Variants in PTGIS observed in about 807,000 individuals in gnomAD.
PTGIS encodes prostacyclin synthase.
Under a neutral mutation model 50.3 loss-of-function variants are expected in PTGIS, and 45 were observed. The ratio of observed to expected loss-of-function variants is 0.90; its 90% confidence interval spans 0.70 to 1.15. PTGIS has a LOEUF of 1.15. Ranked by LOEUF, PTGIS falls within the 50% of genes most tolerant of loss-of-function variation. PTGIS has a pLI of 0.00. For synonymous variants in PTGIS, 260 were observed against 267.7 expected, an observed-to-expected ratio of 0.97 and a Z score of 0.28; for missense variants, 668 against 661.3, an observed-to-expected ratio of 1.01 and a Z score of -0.11.
At chr20:49,509,688 A>G (rs554104486) in intron 9 of PTGIS, among the ~76,000 whole-genome samples, 26 of 152,210 alleles carry the variant, frequency 1.7e-4, no homozygotes, top group Non-Finnish European at 1.8e-4. Context: ...CTAAGCATCG[A>G]TCTACAGCCA....
In PTGIS at chr20:49,550,091, T is replaced by C. The variant is rs1311251721; in HGVS notation, c.173A>G (p.Lys58Arg). 1.5e-5 allele frequency: 24 copies of C among 1,614,042 alleles called. No homozygotes were observed. The Admixed American group carries it at 4.0e-4, about 27-fold the overall frequency. ...AGTAAAGATGTCACCGTGCTTCTCC[T>C]TCATCCTCGTGAGGAAGCTGGCAGC... ...KDAASFLTRM[K>R]EKHGDIFTIL... The change falls in exon 2 of 10, where the codon AAG (lysine) becomes AGG (arginine). Residue 58 changes from lysine (K) to arginine (R), a missense_variant. Physicochemically the swap from Lys to Arg is conservative, Grantham distance 26 (BLOSUM62 2). Transcript: ENST00000244043.
At chr20:49,525,836 G>A (rs1300556103) in intron 5 of PTGIS, among the ~76,000 whole-genome samples, 2 of 151,902 alleles carry the variant, frequency 1.3e-5, no homozygotes, top group African/African-American at 2.4e-5. Flanking sequence ...AGGAAGACTC[G>A]CCCCACCAGC....
At chr20:49,531,084 T>A (rs1981923090) in intron 5 of PTGIS, among the ~76,000 whole-genome samples, 2 of 152,140 alleles carry the variant, frequency 1.3e-5, no homozygotes, top group African/African-American at 2.4e-5. Flanking sequence ...TGGTATTGAG[T>A]TGTATGAGTT....
intron 1 of PTGIS, among the ~76,000 whole-genome samples, chr20:49,557,604 A>C (rs1268540681): frequency 2.6e-5 from 4 of 152,032 alleles, no homozygotes; most frequent in Admixed American, 2.6e-4. Context: ...CAGGGAGAAA[A>C]GAAAACCGGG....
intron 9 of PTGIS, among the ~76,000 whole-genome samples, chr20:49,508,947 C>A (rs1981235894): frequency 6.6e-6 from 1 of 152,210 alleles, no homozygotes; most frequent in Non-Finnish European, 1.5e-5. Context: ...TCTTTTCCCA[C>A]CACTATTCCC....
chr20:49,550,247 G>A, intron 1 of PTGIS, 58 bp from the exon 2 acceptor site: 2 of 1,595,904 alleles, frequency 1.3e-6, no homozygotes, highest in East Asian at 2.2e-5. Flanking sequence ...CATAAAGAGT[G>A]TAGGTTGCAG....
chr20:49,538,125 T>C (rs1194284189), intron 5 of PTGIS, among the ~76,000 whole-genome samples: 1 of 151,156 alleles, frequency 6.6e-6, no homozygotes, highest in Admixed American at 6.6e-5. Context: ...CCTAGTGGCA[T>C]ATGCCTGTAG....
At chr20:49,510,181 AG>A (rs1981276733) in intron 9 of PTGIS, among the ~76,000 whole-genome samples, 1 of 151,930 alleles carries the variant, frequency 6.6e-6, no homozygotes, top group Non-Finnish European at 1.5e-5. Context: ...GAATCCCTGC[AG>A]TTTTTGTTGC....
At position 49,562,228 on chromosome 20, in the gene PTGIS, G is replaced by A. The variant is rs1277272762; in HGVS notation, c.74+5815C>T. Among the ~76,000 whole-genome samples, 8 of 152,306 alleles carry A rather than the reference G, an allele frequency of 5.3e-5. No individual in the cohort carries two copies. The East Asian group carries it at 1.5e-3, about 29-fold the overall frequency. On this transcript the variant is annotated intron_variant, in intron 1 of 9. Coordinates refer to ENST00000244043, the MANE Select transcript of PTGIS (RefSeq NM_000961.4). ...CTCCATTTTGCAGAGATATTCCAGA[G>A]ACCTACTCAAATGCAGGCCCTGAAA...
At chr20:49,541,672 A>G (rs1235626723) in intron 4 of PTGIS, among the ~76,000 whole-genome samples, 1 of 152,208 alleles carries the variant, frequency 6.6e-6, no homozygotes, top group Non-Finnish European at 1.5e-5. Flanking sequence ...CGGAGGTTGC[A>G]GCGAGCAGAG....
intron 1 of PTGIS, among the ~76,000 whole-genome samples, chr20:49,559,679 A>T (rs1347478338): frequency 6.6e-6 from 1 of 152,222 alleles, no homozygotes; most frequent in South Asian, 2.1e-4. Context: ...CATTAAGCCC[A>T]GTGAAAGAAG....
intron 1 of PTGIS, among the ~76,000 whole-genome samples, chr20:49,551,350 C>A (rs1325946407): frequency 6.6e-6 from 1 of 152,214 alleles, no homozygotes; most frequent in African/African-American, 2.4e-5. Context: ...TCTATTCGCT[C>A]TGAAGCCTGC....
intron 5 of PTGIS, among the ~76,000 whole-genome samples, chr20:49,528,903 G>A (rs1206677224): frequency 1.3e-5 from 2 of 152,192 alleles, no homozygotes; most frequent in African/African-American, 4.8e-5. Flanking sequence ...AATCAATTAT[G>A]AGCAGTGGGA....
intron 1 of PTGIS, among the ~76,000 whole-genome samples, chr20:49,561,411 G>A (rs1474535804): frequency 1.3e-5 from 2 of 152,166 alleles, no homozygotes; most frequent in African/African-American, 4.8e-5. Flanking sequence ...TTTGAGCTCT[G>A]TGAGTCTAAG....
At chr20:49,541,542 G>A (rs1236830463) in intron 4 of PTGIS, among the ~76,000 whole-genome samples, 2 of 152,080 alleles carry the variant, frequency 1.3e-5, no homozygotes, top group Non-Finnish European at 2.9e-5. Context: ...GACCAGCTTG[G>A]CCAACATGGT....
intron 1 of PTGIS, among the ~76,000 whole-genome samples, chr20:49,557,829 A>G (rs537979950): frequency 2.9e-3 from 445 of 152,262 alleles, no homozygotes; most frequent in African/African-American, 0.01. Flanking sequence ...TACATCATTG[A>G]CTATCGCCCT....
rs143894093 is a variant in PTGIS, at chr20:49,516,657, G to A, written c.856-2262C>T. Among the ~76,000 whole-genome samples, 180 of 152,334 alleles carry A rather than the reference G, an allele frequency of 1.2e-3. 2 individuals carry two copies. The highest frequency in any genetic ancestry group is 4.2e-3 in the African/African-American group (176 of 41,576). ...TGCACCATAGCATTAGTGATGGTGA[G>A]ATAGATTTTGCCTTCCTCTTTAGTG... is the stretch of plus-strand genomic sequence containing the variant. On this transcript the variant is annotated intron_variant, in intron 6 of 9. Transcript: ENST00000244043.
intron 7 of PTGIS, among the ~76,000 whole-genome samples, chr20:49,513,692 C>T (rs927213827): frequency 6.6e-6 from 1 of 152,120 alleles, no homozygotes; most frequent in Admixed American, 6.5e-5. Flanking sequence ...TGTGACTGGC[C>T]AATCAGAGCA....
At chr20:49,535,697 G>T (rs887288759) in intron 5 of PTGIS, among the ~76,000 whole-genome samples, 1 of 152,104 alleles carries the variant, frequency 6.6e-6, no homozygotes, top group Non-Finnish European at 1.5e-5. Flanking sequence ...TGTATTTTTG[G>T]TAGAGATGGG....
Sources: allele counts gnomAD v4.1 joint callset (sites outside exome capture counted in the v4.1 genomes callset), GRCh38; gene constraint gnomAD v4.1.1; transcripts MANE v1.5; gene names NCBI Gene and HGNC (gene_info 2026-07-23, HGNC 2026-07-21).